The following SERPINI1 variants were observed in gnomAD, a reference collection of about 807,000 sequenced individuals.
The protein encoded by SERPINI1 is serpin family I member 1.
In SERPINI1, 19 loss-of-function variants were observed where a neutral mutation model predicts 41.1. The ratio of observed to expected loss-of-function variants is 0.46; its 90% CI spans 0.32 to 0.68. The LOEUF is 0.68. Among genes scored for constraint, SERPINI1 ranks in the 30% least tolerant of loss-of-function variants. SERPINI1 has a pLI of 0.03. For missense variants in SERPINI1, 460 were observed against 479.2 expected, an observed-to-expected ratio of 0.96 and a Z score of 0.37; for synonymous variants, 138 against 156.6, an observed-to-expected ratio of 0.88 and a Z score of 0.89.
chr3:167,740,687 T>G (rs1166530841), intron 1 of SERPINI1, among the ~76,000 whole-genome samples: 1 of 152,212 alleles, frequency 6.6e-6, no homozygotes, highest in Non-Finnish European at 1.5e-5. Context: ...GAACAAATTT[T>G]GTTATTAACT....
chr3:167,743,606 C>T (rs1480012490), intron 1 of SERPINI1, among the ~76,000 whole-genome samples: 1 of 151,972 alleles, frequency 6.6e-6, no homozygotes, highest in African/African-American at 2.4e-5. Flanking sequence ...ATAAGAGTCA[C>T]GTGTAAATTT....
intron 1 of SERPINI1, among the ~76,000 whole-genome samples, chr3:167,768,894 T>C (rs1368984727): frequency 6.6e-6 from 1 of 152,222 alleles, no homozygotes; most frequent in Non-Finnish European, 1.5e-5. Flanking sequence ...GCCAAGTTTT[T>C]CATTTGCTGC....
chr3:167,738,999 A>G (rs1725576614), intron 1 of SERPINI1, among the ~76,000 whole-genome samples: 1 of 151,980 alleles, frequency 6.6e-6, no homozygotes, highest in South Asian at 2.1e-4. Context: ...TGAACCAGAC[A>G]CTAAGATGAG....
intron 1 of SERPINI1, among the ~76,000 whole-genome samples, chr3:167,781,634 CTTTTTTTT>C (rs757785091): frequency 4.9e-5 from 4 of 81,752 alleles, no homozygotes; most frequent in African/African-American, 1.0e-4. Context: ...TTCTTTTGGC[CTTTTTTTT>C]TTTTTTTTTT....
Position 167,816,907 on chromosome 3 carries a change from C to T in SERPINI1, c.980-6079C>T, listed in dbSNP as rs142608550. 1.7e-3 allele frequency among the ~76,000 whole-genome samples: 257 copies of T among 152,020 alleles called. 1 individual carries two copies. The highest frequency in any genetic ancestry group is 5.9e-3 in the African/African-American group (243 of 41,450). On this transcript the variant is annotated intron_variant, in intron 6 of 8. Transcript: ENST00000446050. ...GTGCTATGTTGAGGCTGTTTCAGTT[C>T]ATATAATTTGAAGCACGGCATATGG...
At chr3:167,782,376 A>G (rs1482224360) in intron 1 of SERPINI1, among the ~76,000 whole-genome samples, 1 of 152,168 alleles carries the variant, frequency 6.6e-6, no homozygotes, top group African/African-American at 2.4e-5. Flanking sequence ...ACTTTTTCAA[A>G]GAGAAGAAAA....
intron 1 of SERPINI1, among the ~76,000 whole-genome samples, chr3:167,778,882 A>T (rs13060142): frequency 0.13 from 19,536 of 152,272 alleles, 1,529 homozygotes; most frequent in African/African-American, 0.21. Context: ...TAGCTTGGCC[A>T]ATGCCAAGGA....
chr3:167,757,438 G>A (rs955426283), intron 1 of SERPINI1, among the ~76,000 whole-genome samples: 3 of 151,992 alleles, frequency 2.0e-5, no homozygotes, highest in South Asian at 2.1e-4. Context: ...CATAATGAAC[G>A]TTAATGTTAC....
rs369204780 is a variant in SERPINI1 at position 167,737,036 on chromosome 3, A to G, written c.-19+1213A>G. The stretch of plus-strand genomic sequence containing the variant: ...TTTTTTTTAATAACCAGGGTCAATA[A>G]AATGGAGTAATTGTCTTGTTTTCTC... On this transcript the variant is annotated intron_variant, in intron 1 of 8. Coordinates refer to ENST00000446050, the MANE Select transcript of SERPINI1 (RefSeq NM_001122752.2). Among the ~76,000 whole-genome samples the G allele has an allele frequency of 3.9e-5, 6 of 152,228 alleles. No homozygotes were observed. In the South Asian group the frequency reaches 1.2e-3, roughly 32 times the overall value.
chr3:167,820,222 T>C (rs954645582), intron 6 of SERPINI1, among the ~76,000 whole-genome samples: 4 of 152,198 alleles, frequency 2.6e-5, no homozygotes, highest in African/African-American at 7.2e-5. Flanking sequence ...AGTGGTGGCC[T>C]GTCTGGAGTG....
chr3:167,821,014 C>T (rs1170736750), intron 6 of SERPINI1, among the ~76,000 whole-genome samples: 1 of 151,714 alleles, frequency 6.6e-6, no homozygotes, highest in East Asian at 2.0e-4. Context: ...TGTGGGTCTC[C>T]TCTCTGCTAA....
intron 1 of SERPINI1, among the ~76,000 whole-genome samples, chr3:167,786,922 AGTAAGTGT>A (rs1727335455): frequency 6.6e-6 from 1 of 152,240 alleles, no homozygotes; most frequent in African/African-American, 2.4e-5. Flanking sequence ...AGCTGTGTTC[AGTAAGTGT>A]GTAAGTGTGT....
At chr3:167,812,025 G>T (rs1403158280) in intron 6 of SERPINI1, among the ~76,000 whole-genome samples, 1 of 152,070 alleles carries the variant, frequency 6.6e-6, no homozygotes, top group African/African-American at 2.4e-5. Context: ...GCTTTCTCTT[G>T]CTTCTAGAAA....
chr3:167,765,863 G>T (rs1420550878), intron 1 of SERPINI1, among the ~76,000 whole-genome samples: 1 of 152,170 alleles, frequency 6.6e-6, no homozygotes, highest in Non-Finnish European at 1.5e-5. Flanking sequence ...CTCTAGGGCA[G>T]GGGCAAAATG....
chr3:167,821,670 G>A (rs1237812178), intron 6 of SERPINI1, among the ~76,000 whole-genome samples: 3 of 152,188 alleles, frequency 2.0e-5, no homozygotes, highest in Admixed American at 1.3e-4. Flanking sequence ...AACCCAGCAG[G>A]CCTAGGCAAA....
chr3:167,774,311 G>T (rs187696023), intron 1 of SERPINI1, among the ~76,000 whole-genome samples: 1 of 152,074 alleles, frequency 6.6e-6, no homozygotes, highest in South Asian at 2.1e-4. Context: ...TTCCTTATTT[G>T]CATTGGTGTC....
In SERPINI1 at chr3:167,778,267, C is replaced by A. The variant is rs111419205; in HGVS notation, c.-18-10844C>A. On this transcript the variant is annotated intron_variant, in intron 1 of 8. Transcript: ENST00000446050. ...CAATGGGTTCTTCTTGCCTGCTGCA[C>A]AGATAAAGCCAATACACTAAGACAA... Among the ~76,000 whole-genome samples the A allele has an allele frequency of 9.1e-4, 139 of 152,288 alleles. 1 individual carries two copies. The highest frequency in any genetic ancestry group is 3.1e-3 in the African/African-American group (129 of 41,562).
At chr3:167,825,198 T>C in intron 8 of SERPINI1, 49 bp from the exon 9 acceptor site, 1 of 1,121,118 alleles carries the variant, frequency 8.9e-7, no homozygotes, top group Non-Finnish European at 1.4e-6. Flanking sequence ...AGATAAATAT[T>C]TTATTATTTT....
chr3:167,794,614 T>C lies in SERPINI1; in HGVS notation c.677-6T>C. 6.2e-7 allele frequency: 1 copy of C among 1,612,678 alleles called. No homozygotes were observed. On this transcript the variant is annotated splice_polypyrimidine_tract_variant and splice_region_variant and intron_variant, in intron 4 of 8. Transcript: ENST00000446050. ...GCATCTTTTATGGCCTTTATTTTCT[T>C]TTTAGGGGAATTTAGTGATGGCTCC...
Sources: gnomAD v4.1 joint callset for allele counts (sites outside exome capture counted in the v4.1 genomes callset) on GRCh38, gnomAD v4.1.1 for gene constraint, MANE v1.5 for transcripts, NCBI Gene and HGNC (gene_info 2026-07-23, HGNC 2026-07-21) for gene names.